The following GALNT16 variants were observed in gnomAD, a reference collection of about 807,000 sequenced individuals.
GALNT16 encodes polypeptide N-acetylgalactosaminyltransferase 16, also known as UDP-GalNAc:polypeptide N-acetylgalactosaminyltransferase-like protein 1.
A neutral mutation model predicts 76.1 loss-of-function variants in GALNT16; 40 were observed. The observed-to-expected ratio is 0.53, with a 90% CI of 0.41 to 0.68. The LOEUF is 0.68. Ranked by LOEUF, GALNT16 falls within the 30% of genes least tolerant of loss-of-function variation. The pLI, the probability that GALNT16 is intolerant of heterozygous loss-of-function variation, is 0.00. For synonymous variants in GALNT16, 276 were observed against 285.2 expected (o/e 0.97, Z 0.32); for missense variants, 621 against 731.9 (o/e 0.85, Z 1.75).
At chr14:69,364,087 T>C in the GALNT16 span, among the ~76,000 whole-genome samples, 1 of 152,200 alleles carries the variant, frequency 6.6e-6, no homozygotes, top group Admixed American at 6.5e-5. The surrounding 1 kb of genome is among the most constrained non-coding windows in gnomAD (Gnocchi z 4.2). Flanking sequence ...TTGCACCTAG[T>C]ATAGTACCCC....
intron 1 of GALNT16, among the ~76,000 whole-genome samples, chr14:69,289,020 G>A (rs528309722): frequency 6.6e-6 from 1 of 152,246 alleles, no homozygotes; most frequent in African/African-American, 2.4e-5. Context: ...TAGGACTATA[G>A]GCACACACCC....
chr14:69,331,980 T>C (rs938064682), intron 7 of GALNT16, among the ~76,000 whole-genome samples: 2 of 152,198 alleles, frequency 1.3e-5, no homozygotes, highest in African/African-American at 4.8e-5. Context: ...CAGTGTTGTG[T>C]ATGGCAACTA....
At chr14:69,307,813 T>A (rs1450182677) in intron 1 of GALNT16, among the ~76,000 whole-genome samples, 1 of 152,212 alleles carries the variant, frequency 6.6e-6, no homozygotes, top group Non-Finnish European at 1.5e-5. Context: ...CCTAAGTACC[T>A]AAGTACCAGC....
the GALNT16 span, among the ~76,000 whole-genome samples, chr14:69,386,061 A>G: frequency 6.6e-6 from 1 of 152,350 alleles, no homozygotes; most frequent in South Asian, 2.1e-4. Context: ...TGAATGGCTT[A>G]AAGTACCATG....
At chr14:69,348,068 C>G in intron 14 of GALNT16, 66 bp downstream of exon 14, 2 of 1,556,662 alleles carry the variant, frequency 1.3e-6, no homozygotes, top group Non-Finnish European at 1.8e-6. Context: ...GGGTGGCAGA[C>G]CTTGGCAGGA....
the GALNT16 span, among the ~76,000 whole-genome samples, chr14:69,371,428 A>AT: frequency 8.2e-5 from 12 of 147,100 alleles, no homozygotes; most frequent in South Asian, 2.2e-4. Context: ...TTATTTTTGT[A>AT]TTTTTTTTTA....
chr14:69,360,410 T>C (rs1196783113), downstream of GALNT16, among the ~76,000 whole-genome samples: 2 of 151,098 alleles, frequency 1.3e-5, no homozygotes, highest in Non-Finnish European at 2.9e-5. Context: ...GGTGGATCAC[T>C]TGAGGCCAGG....
At chr14:69,296,554 A>T (rs2044761612) in intron 1 of GALNT16, among the ~76,000 whole-genome samples, 1 of 152,078 alleles carries the variant, frequency 6.6e-6, no homozygotes, top group Admixed American at 6.5e-5. Flanking sequence ...TTAGCCTGGC[A>T]TGGTGGCACA....
intron 1 of GALNT16, among the ~76,000 whole-genome samples, chr14:69,312,873 T>C (rs1326814813): frequency 6.6e-6 from 1 of 152,126 alleles, no homozygotes; most frequent in Non-Finnish European, 1.5e-5. Flanking sequence ...GGACTCAGAA[T>C]TGGCAAGAGG....
At chr14:69,385,458 C>T in the GALNT16 span, among the ~76,000 whole-genome samples, 1 of 151,988 alleles carries the variant, frequency 6.6e-6, no homozygotes, top group Non-Finnish European at 1.5e-5. Flanking sequence ...CCCAAATTTG[C>T]CTGTCCTCCC....
At chr14:69,281,608 G>T (rs930939280) in intron 1 of GALNT16, among the ~76,000 whole-genome samples, 1 of 151,644 alleles carries the variant, frequency 6.6e-6, no homozygotes, top group African/African-American at 2.4e-5. Flanking sequence ...TTGCCAGCAG[G>T]GCTGGAGGCT....
rs567678307 is a variant in GALNT16, at chr14:69,354,133, T to G, written c.*1965T>G. On this transcript the variant is annotated 3_prime_UTR_variant, in exon 15 of 15. Coordinates refer to ENST00000448469, the MANE Select transcript of GALNT16 (RefSeq NM_001168368.2). ...ATCTGGGAAGCCTCCTGCCACAGCT[T>G]AGGACAGAACTGGGCCCAGGGCAAA... The G allele has an allele frequency of 2.6e-5, 4 of 153,026 alleles. No individual in the cohort carries two copies. The South Asian group carries it at 8.3e-4, about 32-fold the overall frequency. The allele number at this position is 153,026 out of a possible 1,614,324, so 9.5% of individuals were successfully genotyped here. A position where few individuals can be genotyped will look rare whatever the true frequency, so the allele number is the denominator to read the frequency against.
the GALNT16 span, among the ~76,000 whole-genome samples, chr14:69,373,166 T>TA: frequency 6.6e-6 from 1 of 152,188 alleles, no homozygotes; most frequent in African/African-American, 2.4e-5. Flanking sequence ...TCTCCAAGGC[T>TA]AGAGAGGCAA....
chr14:69,373,788 T>C, the GALNT16 span, among the ~76,000 whole-genome samples: 2 of 152,174 alleles, frequency 1.3e-5, no homozygotes, highest in African/African-American at 4.8e-5. Flanking sequence ...TTCCTTTTTC[T>C]TTTTTGACAC....
chr14:69,301,497 G>A (rs1430614390), intron 1 of GALNT16, among the ~76,000 whole-genome samples: 1 of 152,158 alleles, frequency 6.6e-6, no homozygotes, highest in East Asian at 1.9e-4. Context: ...GGGATTACAG[G>A]TGCATGCCAC....
chr14:69,282,656 A>ATTTC (rs1270091549), intron 1 of GALNT16, among the ~76,000 whole-genome samples: 1 of 106,886 alleles, frequency 9.4e-6, no homozygotes, highest in Non-Finnish European at 2.0e-5. Flanking sequence ...TGTCCTATTT[A>ATTTC]TTTATTTATT....
chr14:69,285,588 A>G (rs543428546), intron 1 of GALNT16, among the ~76,000 whole-genome samples: 1 of 152,272 alleles, frequency 6.6e-6, no homozygotes, highest in South Asian at 2.1e-4. Flanking sequence ...CACACTGTCA[A>G]TTTTGTACCT....
At chr14:69,282,380 C>T (rs11624765) in intron 1 of GALNT16, among the ~76,000 whole-genome samples, 93,567 of 151,936 alleles carry the variant, frequency 0.62, 29,777 homozygotes, top group South Asian at 0.76. Context: ...TTGTCCTGCC[C>T]TGGGCGCTTT....
chr14:69,281,928 T>G lies in GALNT16; in HGVS notation c.177+21461T>G, dbSNP rs374864309. 2.8e-4 allele frequency among the ~76,000 whole-genome samples: 43 copies of G among 152,278 alleles called. 2 individuals carry two copies. The South Asian group carries it at 7.5e-3, about 26-fold the overall frequency. ...GGGTCATTAAAGAAACAACACTCAT[T>G]CTGAAATTGCCTCCTGTTGGTAAGT... On this transcript the variant is annotated intron_variant, in intron 1 of 14. Transcript: ENST00000448469.
Sources: allele counts gnomAD v4.1 joint callset (sites outside exome capture counted in the v4.1 genomes callset), GRCh38; gene constraint gnomAD v4.1.1; non-coding constraint Gnocchi (gnomAD v3.1); transcripts MANE v1.5; gene names NCBI Gene and HGNC (gene_info 2026-07-23, HGNC 2026-07-21).